Variants in COG5 observed in about 807,000 individuals in gnomAD.
The protein encoded by COG5 is conserved oligomeric Golgi complex subunit 5.
COG5 carries 86 observed loss-of-function variants against 110.4 expected under a neutral mutation model. The ratio of observed to expected loss-of-function variants is 0.78; its 90% CI spans 0.65 to 0.93. The LOEUF (loss-of-function observed/expected upper bound fraction) is 0.93. COG5 is among the 40% of genes least tolerant of loss of function. COG5 has a pLI of 0.00. For synonymous variants in COG5, 360 were observed against 334.6 expected, an observed-to-expected ratio of 1.08 and a Z score of -0.83; for missense variants, 1,077 against 987.0, an observed-to-expected ratio of 1.09 and a Z score of -1.22.
chr7:107,532,655 T>C (rs1432140484), intron 5 of COG5, among the ~76,000 whole-genome samples: 4 of 152,158 alleles, frequency 2.6e-5, no homozygotes, highest in Non-Finnish European at 5.9e-5. Flanking sequence ...TACATCTATA[T>C]AAATATAAAC....
intron 6 of COG5, among the ~76,000 whole-genome samples, chr7:107,431,122 T>C (rs967301085): frequency 3.3e-5 from 5 of 152,222 alleles, no homozygotes; most frequent in African/African-American, 1.2e-4. Context: ...ATTTCACACT[T>C]CTAATCTCCA....
Position 107,258,308 on chromosome 7 carries a change from T to G in COG5, c.1651A>C (p.Asn551His), listed in dbSNP as rs1395767960. ...EGQRRNVAVV[N>H]SLYKLHQSVT... ...GATTGGTGCAACTTATACAATGAATTCACTACTGCCACATTTCTTCTCTGT... is the reference window on the plus strand; with the variant it reads ...GATTGGTGCAACTTATACAATGAATGCACTACTGCCACATTTCTTCTCTGT... The change falls in exon 15 of 22, where the codon AAT becomes CAT. Residue 551 changes from asparagine (N) to histidine (H), a missense_variant. Transcript: ENST00000297135. The G allele has an allele frequency of 1.2e-6, 2 of 1,612,566 alleles. No homozygotes were observed. Among genetic ancestry groups the G allele is most frequent in the East Asian group, 4.5e-5 (2 of 44,874 alleles).
chr7:107,373,874 G>A (rs1177311493), intron 7 of COG5, among the ~76,000 whole-genome samples: 1 of 152,068 alleles, frequency 6.6e-6, no homozygotes, highest in African/African-American at 2.4e-5. Context: ...GTTTATTTTA[G>A]AAGGTTACCT....
chr7:107,506,090 C>G (rs1429604994), intron 6 of COG5, among the ~76,000 whole-genome samples: 1 of 152,198 alleles, frequency 6.6e-6, no homozygotes, highest in African/African-American at 2.4e-5. Context: ...TGGACAGACT[C>G]AGGACCTCCT....
intron 14 of COG5, among the ~76,000 whole-genome samples, chr7:107,262,676 T>C (rs556875717): frequency 1.3e-5 from 2 of 152,088 alleles, no homozygotes; most frequent in East Asian, 1.9e-4. Context: ...TAGGAGATTG[T>C]TCCTCACCTT....
chr7:107,256,695 A>G, intron 16 of COG5, 37 bp downstream of exon 16: 9 of 1,436,410 alleles, frequency 6.3e-6, no homozygotes, highest in Non-Finnish European at 7.8e-6. Context: ...TCCTAAAACC[A>G]CTTTGATCTA....
chr7:107,244,588 A>G (rs896300886), intron 17 of COG5, among the ~76,000 whole-genome samples: 2 of 152,128 alleles, frequency 1.3e-5, no homozygotes, highest in African/African-American at 4.8e-5. Context: ...ACTAATAAAG[A>G]AGAGAGAATA....
intron 10 of COG5, among the ~76,000 whole-genome samples, chr7:107,353,505 T>C (rs138425774): frequency 0.01 from 1,586 of 151,392 alleles, 14 homozygotes; most frequent in Non-Finnish European, 0.016. Context: ...ATAATATGGA[T>C]AGGTATAAAT....
chr7:107,508,218 C>A (rs1479909130), intron 6 of COG5, among the ~76,000 whole-genome samples: 1 of 152,230 alleles, frequency 6.6e-6, no homozygotes, highest in African/African-American at 2.4e-5. Flanking sequence ...AAAAACGGCA[C>A]ACCAGGGGAT....
At chr7:107,302,187 T>C (rs1014828335) in intron 11 of COG5, among the ~76,000 whole-genome samples, 10 of 152,208 alleles carry the variant, frequency 6.6e-5, no homozygotes, top group African/African-American at 2.2e-4. Context: ...TGCAATGGAA[T>C]ACTATGCAAC....
intron 6 of COG5, among the ~76,000 whole-genome samples, chr7:107,492,766 C>T (rs1481910407): frequency 6.6e-6 from 1 of 152,146 alleles, no homozygotes; most frequent in Non-Finnish European, 1.5e-5. Context: ...ATCTCCCCAT[C>T]TCAAAGCCTA....
chr7:107,507,947 G>T (rs764393986), intron 6 of COG5, among the ~76,000 whole-genome samples: 1 of 152,210 alleles, frequency 6.6e-6, no homozygotes, highest in Non-Finnish European at 1.5e-5. Context: ...AGCTCCCAGC[G>T]TGAGCGACGC....
intron 10 of COG5, among the ~76,000 whole-genome samples, chr7:107,351,156 A>T (rs771943272): frequency 2.0e-5 from 3 of 152,216 alleles, no homozygotes; most frequent in Non-Finnish European, 4.4e-5. Context: ...ATAATGCCAC[A>T]TATCTACAAC....
intron 6 of COG5, among the ~76,000 whole-genome samples, chr7:107,514,533 A>T (rs1399261038): frequency 6.6e-6 from 1 of 152,222 alleles, no homozygotes; most frequent in East Asian, 1.9e-4. Flanking sequence ...ACCTACCAAT[A>T]GCAGAAATCC....
chr7:107,548,100 T>C lies in COG5; in HGVS notation c.417+11A>G. 6.2e-7 allele frequency: 1 copy of C among 1,607,010 alleles called. No homozygotes were observed. The highest frequency in any genetic ancestry group is 8.5e-7 in the Non-Finnish European group (1 of 1,173,916). On this transcript the variant is annotated intron_variant, in intron 5 of 21. Transcript: ENST00000297135. ...ATAATAAAGTATAAAGAAATAAAAG[T>C]AAGAAACTACCTGAAGTCTTGCTAG...
chr7:107,362,730 C>T (rs1813231457), intron 8 of COG5, among the ~76,000 whole-genome samples: 1 of 151,730 alleles, frequency 6.6e-6, no homozygotes, highest in African/African-American at 2.4e-5. Context: ...CACTCTCATG[C>T]CTCTTGTAGG....
intron 12 of COG5, among the ~76,000 whole-genome samples, chr7:107,289,126 G>C (rs1438550797): frequency 1.3e-5 from 2 of 151,168 alleles, no homozygotes; most frequent in South Asian, 4.2e-4. Flanking sequence ...GAGACACTGT[G>C]CCCAGCCTTG....
chr7:107,388,781 T>C (rs1389384546), intron 7 of COG5, among the ~76,000 whole-genome samples: 1 of 152,148 alleles, frequency 6.6e-6, no homozygotes, highest in Admixed American at 6.5e-5. Context: ...CCTTAGGTCC[T>C]CTTTGTGTTC....
chr7:107,513,968 C>T lies in COG5; in HGVS notation c.538+13269G>A, dbSNP rs894327766. Among the ~76,000 whole-genome samples the T allele has an allele frequency of 2.0e-3, 302 of 152,040 alleles. 1 individual carries two copies. Among genetic ancestry groups the T allele is most frequent in the African/African-American group, 6.9e-3 (285 of 41,468 alleles). ...ATGCTAAATGACGAGTTAATGGGTG[C>T]AGCACACCAACATGGCACATGTATA... On this transcript the variant is annotated intron_variant, in intron 6 of 21. Transcript: ENST00000297135.
Sources: allele counts gnomAD v4.1 joint callset (sites outside exome capture counted in the v4.1 genomes callset), GRCh38; gene constraint gnomAD v4.1.1; transcripts MANE v1.5; gene names NCBI Gene and HGNC (gene_info 2026-07-23, HGNC 2026-07-21).